CLDN14: variants seen among roughly 807,000 people sequenced by gnomAD.
CLDN14 encodes claudin-14.
In CLDN14, 2 loss-of-function variants were observed where a neutral mutation model predicts 2.1. The ratio of observed to expected loss-of-function variants is 0.96; its 90% confidence interval spans 0.39 to 3.01. The LOEUF (loss-of-function observed/expected upper bound fraction) is 3.01. Among genes scored for constraint, CLDN14 ranks in the 30% most tolerant of loss-of-function variants. The pLI is 0.09. For missense variants in CLDN14, 298 were observed against 328.0 expected, an observed-to-expected ratio of 0.91 and a Z score of 0.71; for synonymous variants, 136 against 154.4, an observed-to-expected ratio of 0.88 and a Z score of 0.88.
At chr21:36,538,871 G>A (rs770923223) in intron 1 of CLDN14, among the ~76,000 whole-genome samples, 2 of 152,136 alleles carry the variant, frequency 1.3e-5, no homozygotes, top group Non-Finnish European at 2.9e-5. Context: ...CAGACATAAC[G>A]GCATAGGGAG....
At chr21:36,483,213 C>T (rs1868447144), upstream of CLDN14, among the ~76,000 whole-genome samples, 1 of 152,228 alleles carries the variant, frequency 6.6e-6, no homozygotes, top group African/African-American at 2.4e-5. Context: ...CCTTGCATCT[C>T]AGCATCAGCT....
In CLDN14 at chr21:36,550,030, G is replaced by A. The variant is rs113655809; in HGVS notation, c.-220+26381C>T. On this transcript the variant is annotated intron_variant, in intron 1 of 2. Transcript: ENST00000342108. ...GTCCCCAGCAGCTACAACACTGCCT[G>A]GCACATAGCATGACATTGGTATTTA... 4.2e-3 allele frequency among the ~76,000 whole-genome samples: 640 copies of A among 152,304 alleles called. 8 individuals are homozygous for A. Among genetic ancestry groups the A allele is most frequent in the African/African-American group, 0.015 (606 of 41,574 alleles).
intron 1 of CLDN14, among the ~76,000 whole-genome samples, chr21:36,467,875 A>T (rs219758): frequency 0.37 from 55,579 of 151,978 alleles, 11,209 homozygotes; most frequent in African/African-American, 0.54. Context: ...GGGGTGGAGG[A>T]CATCAGCGGG....
At chr21:36,506,717 G>A (rs73382009) in intron 2 of CLDN14, among the ~76,000 whole-genome samples, 4,416 of 152,220 alleles carry the variant, frequency 0.029, 211 homozygotes, top group African/African-American at 0.1. Flanking sequence ...GGTCAAGGTC[G>A]GGGAGGACTT....
intron 1 of CLDN14, among the ~76,000 whole-genome samples, chr21:36,517,789 G>T (rs1701664799): frequency 6.6e-6 from 1 of 152,182 alleles, no homozygotes; most frequent in Admixed American, 6.5e-5. Context: ...ATGTTTTCAT[G>T]AGGGTTTTTG....
rs2087181548 is a variant in CLDN14, at chr21:36,510,979, C to T, written c.-219-479G>A. 2.0e-5 allele frequency among the ~76,000 whole-genome samples: 3 copies of T among 152,340 alleles called. No individual in the cohort carries two copies. The South Asian group carries it at 6.2e-4, about 32-fold the overall frequency. ...GTAGATATGTTTTCTTCTGATTCTA[C>T]CTTCTCTATTGCCAGCAATGTTTGT... On this transcript the variant is annotated intron_variant, in intron 1 of 2. Transcript: ENST00000342108.
intron 2 of CLDN14, among the ~76,000 whole-genome samples, chr21:36,506,757 G>T (rs1477130895): frequency 2.6e-5 from 4 of 152,120 alleles, no homozygotes; most frequent in African/African-American, 7.2e-5. Context: ...CTTGTATGTG[G>T]TCTGACGTTT....
intron 1 of CLDN14, among the ~76,000 whole-genome samples, chr21:36,463,062 T>C (rs2086600190): frequency 6.6e-6 from 1 of 151,384 alleles, no homozygotes; most frequent in Non-Finnish European, 1.5e-5. Flanking sequence ...AAGGAAGGGA[T>C]GAAGGCAGAA....
chr21:36,513,936 A>G (rs984866914), intron 1 of CLDN14, among the ~76,000 whole-genome samples: 2 of 152,138 alleles, frequency 1.3e-5, no homozygotes, highest in Non-Finnish European at 2.9e-5. Flanking sequence ...GGCTCAAGCA[A>G]TCGTCCCATC....
intron 1 of CLDN14, among the ~76,000 whole-genome samples, chr21:36,475,877 G>A (rs181380475): frequency 2.0e-3 from 307 of 152,210 alleles, no homozygotes; most frequent in Non-Finnish European, 3.3e-3. Context: ...GTTTCACTCC[G>A]TCTAGGCTGG....
At chr21:36,536,688 T>C (rs1171595493) in intron 1 of CLDN14, among the ~76,000 whole-genome samples, 1 of 152,202 alleles carries the variant, frequency 6.6e-6, no homozygotes, top group Admixed American at 6.5e-5. Context: ...TCTATTCCCC[T>C]CCTTCCTCCC....
Position 36,507,546 on chromosome 21 carries a change from C to T in CLDN14, c.-82+2817G>A, listed in dbSNP as rs544571628. 4.6e-5 allele frequency among the ~76,000 whole-genome samples: 7 copies of T among 152,208 alleles called. No homozygotes were observed. In the South Asian group the frequency reaches 1.5e-3, roughly 32 times the overall value. On this transcript the variant is annotated intron_variant, in intron 2 of 2. Transcript: ENST00000342108. ...CGAAAGGCCAAGGTGGGTGGATCAC[C>T]TAAGGTCAGAAGTTTGAGACCAGCC...
intron 1 of CLDN14, among the ~76,000 whole-genome samples, chr21:36,548,748 TGTG>T (rs1045724864): frequency 6.6e-5 from 10 of 152,160 alleles, no homozygotes; most frequent in African/African-American, 2.2e-4. Flanking sequence ...GGTCAGTTGA[TGTG>T]GGGAGGCCAA....
At chr21:36,552,311 A>G (rs2087568588) in intron 1 of CLDN14, among the ~76,000 whole-genome samples, 1 of 152,268 alleles carries the variant, frequency 6.6e-6, no homozygotes, top group Non-Finnish European at 1.5e-5. Flanking sequence ...GCAAAGACGC[A>G]TGCACTTTTG....
intron 1 of CLDN14, among the ~76,000 whole-genome samples, chr21:36,570,998 C>T (rs1465825775): frequency 6.6e-6 from 1 of 152,150 alleles, no homozygotes; most frequent in Non-Finnish European, 1.5e-5. Flanking sequence ...CTCGCCACCA[C>T]GCCCGGCTGA....
intron 2 of CLDN14, among the ~76,000 whole-genome samples, chr21:36,509,097 A>G (rs2087160300): frequency 6.6e-6 from 1 of 152,202 alleles, no homozygotes; most frequent in Admixed American, 6.5e-5. Flanking sequence ...TAGTTTAAAC[A>G]GTGTCAAATT....
chr21:36,492,124 C>T (rs931919579), intron 2 of CLDN14, among the ~76,000 whole-genome samples: 7 of 151,056 alleles, frequency 4.6e-5, no homozygotes, highest in Non-Finnish European at 7.4e-5. Flanking sequence ...GGCAACATGG[C>T]GAAACTCTGT....
intron 1 of CLDN14, chr21:36,466,393 G>A (rs1454964177): frequency 1.3e-5 from 2 of 152,196 alleles, no homozygotes; most frequent in Admixed American, 1.3e-4. Flanking sequence ...GGAGGCCTCA[G>A]GAAACTTACA....
rs2087514945 is a variant in CLDN14, at chr21:36,544,640, C to A, written c.-220+31771G>T. ...TAAGCAAAATTTCTCTGTATTTTAT[C>A]CAAATATGCCGTGGACTTTGAAATG... On this transcript the variant is annotated intron_variant, in intron 1 of 2. Transcript: ENST00000342108. The surrounding 1 kb of genome is among the most constrained non-coding windows in gnomAD (Gnocchi z 4.1). Among the ~76,000 whole-genome samples the A allele has an allele frequency of 6.6e-6, 1 of 152,202 alleles. No homozygotes were observed. Among genetic ancestry groups the A allele is most frequent in the Admixed American group, 6.5e-5 (1 of 15,288 alleles).
Sources: gnomAD v4.1 joint callset for allele counts (sites outside exome capture counted in the v4.1 genomes callset) on GRCh38, gnomAD v4.1.1 for gene constraint, Gnocchi (gnomAD v3.1) non-coding constraint, MANE v1.5 for transcripts, NCBI Gene and HGNC (gene_info 2026-07-23, HGNC 2026-07-21) for gene names.